Variants in GRIA2 observed in about 807,000 individuals in gnomAD.
GRIA2 encodes the protein glutamate ionotropic receptor AMPA type subunit 2.
Under a neutral mutation model 97.3 loss-of-function variants are expected in GRIA2, and 14 were observed. That is an observed-to-expected ratio of 0.14 (90% CI 0.10 to 0.23). GRIA2 has a LOEUF of 0.23. GRIA2 is among the 10% of genes least tolerant of loss of function. GRIA2 has a pLI of 1.00. For missense variants in GRIA2, 558 were observed against 1,069.8 expected, an observed-to-expected ratio of 0.52 and a Z score of 6.67; for synonymous variants, 412 against 387.8, an observed-to-expected ratio of 1.06 and a Z score of -0.73.
chr4:157,225,810 C>T (rs1214020262), intron 2 of GRIA2, among the ~76,000 whole-genome samples: 1 of 151,706 alleles, frequency 6.6e-6, no homozygotes, highest in Non-Finnish European at 1.5e-5. Flanking sequence ...AAAAATCTGC[C>T]TTTTTGTGAA....
chr4:157,329,073 C>G (rs2126923640), intron 6 of GRIA2, among the ~76,000 whole-genome samples: 1 of 151,964 alleles, frequency 6.6e-6, no homozygotes, highest in Non-Finnish European at 1.5e-5. Flanking sequence ...ATAGGGTAAA[C>G]TGTAGTTGAA....
chr4:157,346,971 C>T (rs896369683), intron 12 of GRIA2, among the ~76,000 whole-genome samples: 1 of 152,100 alleles, frequency 6.6e-6, no homozygotes, highest in African/African-American at 2.4e-5. Flanking sequence ...AATGTATTTA[C>T]GAATACATTT....
intron 2 of GRIA2, among the ~76,000 whole-genome samples, chr4:157,267,724 A>G (rs1731836393): frequency 6.6e-6 from 1 of 152,074 alleles, no homozygotes; most frequent in African/African-American, 2.4e-5. Context: ...GTCACTTGTA[A>G]GAATAGAGAC....
chr4:157,355,173 T>C (rs1736190915), intron 12 of GRIA2, among the ~76,000 whole-genome samples: 1 of 152,162 alleles, frequency 6.6e-6, no homozygotes, highest in South Asian at 2.1e-4. Context: ...ATTATTTCAT[T>C]TCACTTTATT....
intron 2 of GRIA2, among the ~76,000 whole-genome samples, chr4:157,256,365 A>G (rs1050517941): frequency 2.7e-5 from 4 of 146,872 alleles, no homozygotes; most frequent in East Asian, 2.0e-4. Flanking sequence ...TCACTGTTTT[A>G]TGTGTTTTCT....
chr4:157,228,103 G>A (rs1729830176), intron 2 of GRIA2, among the ~76,000 whole-genome samples: 1 of 152,212 alleles, frequency 6.6e-6, no homozygotes, highest in South Asian at 2.1e-4. Flanking sequence ...ATGTGGGCTT[G>A]TTGAAGACAG....
chr4:157,315,805 C>T (rs1734293158), intron 4 of GRIA2, among the ~76,000 whole-genome samples: 2 of 152,146 alleles, frequency 1.3e-5, no homozygotes, highest in African/African-American at 4.8e-5. Context: ...TCCCAAAGTG[C>T]TGGGATTACA....
chr4:157,256,226 A>AAC (rs1554007393), intron 2 of GRIA2, among the ~76,000 whole-genome samples: 1 of 119,872 alleles, frequency 8.3e-6, no homozygotes, highest in South Asian at 2.2e-4. Context: ...TATAATATAT[A>AAC]ATATATAATA....
rs116566100 is a variant in GRIA2 at position 157,255,241 on chromosome 4, A to T, written c.229+33434A>T. On this transcript the variant is annotated intron_variant, in intron 2 of 15. Coordinates refer to ENST00000264426, the MANE Select transcript of GRIA2 (RefSeq NM_001083619.3). Reference sequence around the variant, plus strand: ...TCCATCCATGTTGCTGCAAAACACGATTTCATTCTTTTTATGGCTGAATAC... The same window carrying T: ...TCCATCCATGTTGCTGCAAAACACGTTTTCATTCTTTTTATGGCTGAATAC... Among the ~76,000 whole-genome samples the T allele has an allele frequency of 9.4e-3, 1,425 of 150,916 alleles. 16 individuals carry two copies. Among genetic ancestry groups the T allele is most frequent in the African/African-American group, 0.029 (1,183 of 40,914 alleles).
intron 2 of GRIA2, among the ~76,000 whole-genome samples, chr4:157,239,535 AT>A (rs1730407672): frequency 6.6e-6 from 1 of 151,950 alleles, no homozygotes; most frequent in Admixed American, 6.6e-5. Flanking sequence ...CTCTATTTTC[AT>A]TATAATTTCT....
At chr4:157,295,532 G>A (rs1308184907) in intron 2 of GRIA2, among the ~76,000 whole-genome samples, 1 of 152,046 alleles carries the variant, frequency 6.6e-6, no homozygotes, top group African/African-American at 2.4e-5. Context: ...GGGCTCTGGG[G>A]AACAGGAGTG....
Position 157,321,423 on chromosome 4 carries a change from G to A in GRIA2, c.721-15G>A, listed in dbSNP as rs1734560933. On this transcript the variant is annotated splice_polypyrimidine_tract_variant and intron_variant, in intron 5 of 15. Coordinates refer to ENST00000264426, the MANE Select transcript of GRIA2 (RefSeq NM_001083619.3). ...CTCAAACAAAAAGCGTGATATCAAT[G>A]TGTTCTATGTTTAGGGATTTACTGA... 6.3e-7 allele frequency: 1 copy of A among 1,579,378 alleles called. No homozygotes were observed. The highest frequency in any genetic ancestry group is 8.6e-7 in the Non-Finnish European group (1 of 1,159,290).
intron 4 of GRIA2, among the ~76,000 whole-genome samples, chr4:157,313,335 A>G (rs903230806): frequency 1.3e-5 from 2 of 151,830 alleles, no homozygotes; most frequent in African/African-American, 2.4e-5. Context: ...TGCAAGATAT[A>G]TTTTTTTTCT....
intron 11 of GRIA2, among the ~76,000 whole-genome samples, chr4:157,337,469 G>A (rs150507622): frequency 2.0e-5 from 3 of 152,008 alleles, no homozygotes; most frequent in East Asian, 2.0e-4. Flanking sequence ...CATGTTGCAC[G>A]TATGAATAAG....
intron 12 of GRIA2, among the ~76,000 whole-genome samples, chr4:157,356,714 C>T: frequency 6.6e-6 from 1 of 152,058 alleles, no homozygotes; most frequent in East Asian, 1.9e-4. Flanking sequence ...CTATTAAGAA[C>T]AGTATCTTAG....
Position 157,363,600 on chromosome 4 carries a change from T to C in GRIA2, c.*169T>C, listed in dbSNP as rs778383016. 9.7e-6 allele frequency: 12 copies of C among 1,231,934 alleles called. No individual in the cohort carries two copies. Among genetic ancestry groups the C allele is most frequent in the Non-Finnish European group, 1.2e-5 (12 of 986,090 alleles). 76.3% of individuals were successfully genotyped at this position (1,231,934 alleles called of 1,614,324 possible). The stretch of plus-strand genomic sequence containing the variant: ...TGTCAGTGTGACTGATCTCTCGTGA[T>C]TGATAAGAACCTTTTGAGTGCCTTA... On this transcript the variant is annotated 3_prime_UTR_variant, in exon 16 of 16. Coordinates refer to ENST00000264426, the MANE Select transcript of GRIA2 (RefSeq NM_001083619.3).
At chr4:157,301,677 A>G (rs1229077690) in intron 2 of GRIA2, among the ~76,000 whole-genome samples, 2 of 152,076 alleles carry the variant, frequency 1.3e-5, no homozygotes, top group African/African-American at 2.4e-5. Flanking sequence ...AAACAAATCT[A>G]TTTTTTCTAC....
chr4:157,338,339 G>C (rs1409679679), intron 11 of GRIA2, among the ~76,000 whole-genome samples: 1 of 151,800 alleles, frequency 6.6e-6, no homozygotes, highest in Non-Finnish European at 1.5e-5. Flanking sequence ...GTGTATGTGG[G>C]TTCATTATGA....
intron 12 of GRIA2, among the ~76,000 whole-genome samples, chr4:157,353,861 C>T (rs936556544): frequency 2.3e-4 from 35 of 151,858 alleles, no homozygotes; most frequent in African/African-American, 6.3e-4. Context: ...ATAAATTAAT[C>T]GTATAGAAAA....
Sources: allele counts gnomAD v4.1 joint callset (sites outside exome capture counted in the v4.1 genomes callset), GRCh38; gene constraint gnomAD v4.1.1; transcripts MANE v1.5; gene names NCBI Gene and HGNC (gene_info 2026-07-23, HGNC 2026-07-21).